The following WWTR1 variants were observed in gnomAD, a reference collection of about 807,000 sequenced individuals.
The protein encoded by WWTR1 is WW domain-containing transcription regulator protein 1.
Under a neutral mutation model 40.1 loss-of-function variants are expected in WWTR1, and 13 were observed. The ratio of observed to expected loss-of-function variants is 0.32; its 90% confidence interval spans 0.21 to 0.52. The LOEUF is 0.52. Ranked by LOEUF, WWTR1 falls within the 20% of genes least tolerant of loss-of-function variation. The probability of loss-of-function intolerance (pLI) is 0.97; values close to 1 mark genes in which losing one functional copy is unlikely to be tolerated. For missense variants in WWTR1, 436 were observed against 523.1 expected (o/e 0.83, Z 1.63); for synonymous variants, 230 against 210.1 (o/e 1.09, Z -0.82).
At chr3:149,576,664 T>C (rs547529199) in intron 2 of WWTR1, among the ~76,000 whole-genome samples, 1 of 152,302 alleles carries the variant, frequency 6.6e-6, no homozygotes, top group African/African-American at 2.4e-5. Flanking sequence ...ACTGTACAGG[T>C]TTCATATTTG....
At chr3:149,707,153 T>C (rs937325681), upstream of WWTR1, among the ~76,000 whole-genome samples, 7 of 152,010 alleles carry the variant, frequency 4.6e-5, no homozygotes, top group African/African-American at 1.7e-4. Flanking sequence ...GTTATGCAAA[T>C]GGAAAAGCAA....
intron 2 of WWTR1, among the ~76,000 whole-genome samples, chr3:149,645,847 G>A (rs1438041383): frequency 1.3e-5 from 2 of 152,036 alleles, no homozygotes; most frequent in Admixed American, 1.3e-4. Flanking sequence ...CAGTCACCAT[G>A]TTTTGACTCC....
chr3:149,614,692 G>A (rs1026137213), intron 2 of WWTR1, among the ~76,000 whole-genome samples: 4 of 152,040 alleles, frequency 2.6e-5, no homozygotes, highest in Non-Finnish European at 4.4e-5. Context: ...ACATCAGAAC[G>A]ATAGCTTAGG....
chr3:149,641,252 C>G (rs74348858), intron 2 of WWTR1, among the ~76,000 whole-genome samples: 4,359 of 152,268 alleles, frequency 0.029, 198 homozygotes, highest in African/African-American at 0.1. Flanking sequence ...CACCTCCACA[C>G]TTACTTGGAA....
chr3:149,599,488 T>C (rs1739149296), intron 2 of WWTR1, among the ~76,000 whole-genome samples: 1 of 152,260 alleles, frequency 6.6e-6, no homozygotes, highest in Non-Finnish European at 1.5e-5. Flanking sequence ...AGTAAGTCTT[T>C]GCGCAAGCAA....
chr3:149,598,922 G>A (rs189485138), intron 2 of WWTR1, among the ~76,000 whole-genome samples: 10 of 151,970 alleles, frequency 6.6e-5, no homozygotes, highest in African/African-American at 1.9e-4. Flanking sequence ...AAAAAAGTAC[G>A]GCCTTATTAC....
chr3:149,662,130 G>C (rs1178008504), upstream of WWTR1, among the ~76,000 whole-genome samples: 1 of 151,946 alleles, frequency 6.6e-6, no homozygotes, highest in African/African-American at 2.4e-5. Flanking sequence ...AAACTGGATC[G>C]ATGAGTTAGA....
intron 4 of WWTR1, among the ~76,000 whole-genome samples, chr3:149,723,210 C>CA (rs1380079194): frequency 4.2e-5 from 4 of 96,368 alleles, no homozygotes; most frequent in African/African-American, 1.8e-4. Flanking sequence ...TTTTTTGAGA[C>CA]AGAGTTTTGC....
intron 2 of WWTR1, among the ~76,000 whole-genome samples, chr3:149,575,694 C>A (rs1438700029): frequency 6.6e-6 from 1 of 152,228 alleles, no homozygotes; most frequent in Admixed American, 6.5e-5. Context: ...GTCCCCCACT[C>A]TCCCCTCCCG....
chr3:149,721,145 C>T (rs1355964841), intron 4 of WWTR1, among the ~76,000 whole-genome samples: 2 of 152,108 alleles, frequency 1.3e-5, no homozygotes, highest in Non-Finnish European at 1.5e-5. Flanking sequence ...ATTTCCAATG[C>T]TATACGGTGA....
chr3:149,540,373 C>A, intron 4 of WWTR1: 1 of 429,234 alleles, frequency 2.3e-6, no homozygotes, highest in Non-Finnish European at 4.7e-6. Flanking sequence ...CTTTTCCCAC[C>A]CCTTTTCAGA....
chr3:149,652,620 C>CAAAAAAAA lies in WWTR1; in HGVS notation c.431+4248_431+4255dup. Among the ~76,000 whole-genome samples the CAAAAAAAA allele has an allele frequency of 8.4e-4, 17 of 20,228 alleles. 1 individual carries two copies. Among genetic ancestry groups the CAAAAAAAA allele is most frequent in the Admixed American group, 1.3e-3 (2 of 1,490 alleles). The allele number at this position is 20,228 out of a possible 152,430, so 13.3% of individuals were successfully genotyped here. A position where few individuals can be genotyped will look rare whatever the true frequency, so the allele number is the denominator to read the frequency against. On this transcript the variant is annotated intron_variant, in intron 2 of 6. Transcript: ENST00000360632. Reference sequence around the variant, plus strand: ...TGGGTGACAGAGACAGACCCCATCTCAAAAAAAAAAAAAAAAAAAAAAAAA... The same window carrying CAAAAAAAA: ...TGGGTGACAGAGACAGACCCCATCTCAAAAAAAAAAAAAAAAAAAAAAAAAAAAAAAAA...
At chr3:149,532,490 AAT>A (rs1735631777) in intron 4 of WWTR1, among the ~76,000 whole-genome samples, 1 of 152,236 alleles carries the variant, frequency 6.6e-6, no homozygotes, top group Non-Finnish European at 1.5e-5. Flanking sequence ...AATTTGTTCG[AAT>A]ATAAATGGAA....
At chr3:149,622,479 AAGGAAGGAAGGAAGGAAGG>A in intron 2 of WWTR1, among the ~76,000 whole-genome samples, 1 of 121,776 alleles carries the variant, frequency 8.2e-6, no homozygotes, top group African/African-American at 3.0e-5. Flanking sequence ...GGAAGGAAGG[AAGGAAGGAAGGAAGGAAGG>A]AAGGAAGAAA....
chr3:149,517,323 C>T lies in WWTR1; in HGVS notation c.*3482G>A, dbSNP rs1303407034. 6.6e-6 allele frequency: 1 copy of T among 152,084 alleles called. No homozygotes were observed. The highest frequency in any genetic ancestry group is 1.5e-5 in the Non-Finnish European group (1 of 68,020). The allele number at this position is 152,084 out of a possible 1,614,324, so 9.4% of individuals were successfully genotyped here. On this transcript the variant is annotated 3_prime_UTR_variant, in exon 7 of 7. Coordinates refer to ENST00000360632, the MANE Select transcript of WWTR1 (RefSeq NM_015472.6). ...TCCAGGTAAAATGGTTTGATCTGATCGATTTGGCTGCATACTTTCGGTACG... is the reference window on the plus strand; with the variant it reads ...TCCAGGTAAAATGGTTTGATCTGATTGATTTGGCTGCATACTTTCGGTACG...
At chr3:149,623,734 C>A (rs372727359) in intron 2 of WWTR1, among the ~76,000 whole-genome samples, 1 of 152,048 alleles carries the variant, frequency 6.6e-6, no homozygotes, top group Non-Finnish European at 1.5e-5. Context: ...ACTATGTGAC[C>A]GTGTAGAGAA....
At chr3:149,644,710 A>G (rs1254414514) in intron 2 of WWTR1, among the ~76,000 whole-genome samples, 1 of 152,234 alleles carries the variant, frequency 6.6e-6, no homozygotes. Context: ...AGTCATATAT[A>G]CATATATGCA....
chr3:149,527,771 C>G (rs56350342), intron 5 of WWTR1, 65 bp downstream of exon 5: 3 of 1,601,362 alleles, frequency 1.9e-6, no homozygotes, highest in Non-Finnish European at 2.6e-6. Flanking sequence ...AAACAAAGAT[C>G]CTATTATAGT....
At chr3:149,557,298 C>G (rs1736874462) in intron 3 of WWTR1, among the ~76,000 whole-genome samples, 1 of 152,096 alleles carries the variant, frequency 6.6e-6, no homozygotes, top group African/African-American at 2.4e-5. Flanking sequence ...TCTCGAACGC[C>G]TGACCTCAGC....
Sources: allele counts gnomAD v4.1 joint callset (sites outside exome capture counted in the v4.1 genomes callset), GRCh38; gene constraint gnomAD v4.1.1; transcripts MANE v1.5; gene names NCBI Gene and HGNC (gene_info 2026-07-23, HGNC 2026-07-21).